The following HPSE variants were observed in gnomAD, a reference collection of about 807,000 sequenced individuals.
HPSE encodes heparanase.
A neutral mutation model predicts 65.1 loss-of-function variants in HPSE; 48 were observed. That is an observed-to-expected ratio of 0.74 (90% CI 0.58 to 0.94). The LOEUF is 0.94. Among genes scored for constraint, HPSE ranks in the 40% least tolerant of loss-of-function variants. The probability of loss-of-function intolerance (pLI) is 0.00; values close to 1 mark genes in which losing one functional copy is unlikely to be tolerated. For synonymous variants in HPSE, 243 were observed against 260.0 expected (o/e 0.93, Z 0.63); for missense variants, 644 against 637.5 (o/e 1.01, Z -0.11).
intron 1 of HPSE, among the ~76,000 whole-genome samples, chr4:83,322,785 TTGTTTGTGTGTGTGTGTGTGTGTG>T (rs1354279015): frequency 2.5e-5 from 2 of 78,820 alleles, no homozygotes; most frequent in East Asian, 9.5e-4. Context: ...TGGCAAGAGC[TTGTTTGTGTGTGTGTGTGTGTGTG>T]TGTGTGTGTG....
In HPSE at chr4:83,300,142, A is replaced by G. The variant is rs955044608; in HGVS notation, c.1472+818T>C. On this transcript the variant is annotated intron_variant, in intron 11 of 11. Coordinates refer to ENST00000311412, the MANE Select transcript of HPSE (RefSeq NM_001098540.3). ...GTCATTTTTTGGCACTCCATTGAATACAGGCTTTTATAAGATGTAGTCAAT... is the reference window on the plus strand; with the variant it reads ...GTCATTTTTTGGCACTCCATTGAATGCAGGCTTTTATAAGATGTAGTCAAT... Among the ~76,000 whole-genome samples the G allele has an allele frequency of 2.0e-5, 3 of 152,360 alleles. No homozygotes were observed. The East Asian group carries it at 5.8e-4, about 29-fold the overall frequency.
chr4:83,310,049 T>A lies in HPSE; in HGVS notation c.872A>T (p.Asp291Val). ...TACTTACTGATGCCATGTAACTGAA[T>A]CAATCACTTCTCCACCAGCCTTCAG... The part of the protein sequence containing the change: ...SFLKAGGEVI[D>V]SVTWHHYYLN... Residue 291 changes from aspartate (D) to valine (V), a missense_variant, in exon 6 of 12, where the codon GAT (aspartate) becomes GTT (valine). Coordinates refer to ENST00000311412, the MANE Select transcript of HPSE (RefSeq NM_001098540.3). 6.2e-7 allele frequency: 1 copy of A among 1,611,256 alleles called. No individual in the cohort carries two copies. The highest frequency in any genetic ancestry group is 1.3e-5 in the African/African-American group (1 of 74,958).
chr4:83,293,542 G>T lies in HPSE; in HGVS notation c.*1802C>A, dbSNP rs934823852. The T allele has an allele frequency of 6.6e-6, 1 of 152,162 alleles. No individual in the cohort carries two copies. Among genetic ancestry groups the T allele is most frequent in the African/African-American group, 2.4e-5 (1 of 41,440 alleles). The allele number at this position is 152,162 out of a possible 1,614,324, so 9.4% of individuals were successfully genotyped here. ...ATGTGGGAATATACATTTCCTTATT[G>T]CTTAAGCCATTTGAATTAGGAGTTT... On this transcript the variant is annotated 3_prime_UTR_variant, in exon 12 of 12. Transcript: ENST00000311412.
At chr4:83,306,385 C>A (rs1050680446) in intron 8 of HPSE, 68 bp from the exon 9 acceptor site, 18 of 752,770 alleles carry the variant, frequency 2.4e-5, no homozygotes, top group Non-Finnish European at 4.0e-5. Context: ...AATTGCACAC[C>A]ATCTTGATTT....
intron 1 of HPSE, among the ~76,000 whole-genome samples, chr4:83,322,821 GTGTGTGTGTGTGTGTGTT>G (rs1345458666): frequency 2.0e-5 from 3 of 148,578 alleles, no homozygotes; most frequent in African/African-American, 7.4e-5. Flanking sequence ...GTGTGTGTGT[GTGTGTGTGTGTGTGTGTT>G]TGTGTGTGGA....
intron 3 of HPSE, among the ~76,000 whole-genome samples, chr4:83,317,888 G>A (rs1736713367): frequency 6.6e-6 from 1 of 152,180 alleles, no homozygotes; most frequent in South Asian, 2.1e-4. Flanking sequence ...AAATGGCCCT[G>A]CCTCATGCCA....
chr4:83,301,767 G>C (rs923141379), intron 10 of HPSE, among the ~76,000 whole-genome samples: 4 of 152,146 alleles, frequency 2.6e-5, no homozygotes. Flanking sequence ...CCTAAAGCAA[G>C]AGTATGAGGC....
rs746368045 is a variant in HPSE, at chr4:83,302,271, AGTT to A, written c.1207-6_1207-4del. 1.3e-6 allele frequency: 2 copies of A among 1,593,636 alleles called. No homozygotes were observed. The highest frequency in any genetic ancestry group is 1.7e-6 in the Non-Finnish European group (2 of 1,162,050). The stretch of plus-strand genomic sequence containing the variant: ...AACAGAAGAGATAGCCAATAATCCT[AGTT>A]GTGGTGGTTGGGGAGAAAGAGACAA... On this transcript the variant is annotated splice_polypyrimidine_tract_variant and splice_region_variant and intron_variant, in intron 9 of 11. Transcript: ENST00000311412.
chr4:83,319,358 T>G lies in HPSE; in HGVS notation c.485A>C (p.Asn162Thr), dbSNP rs1444979459. ...LREHYQKKFK[N>T]STYSRSSVDV... ...TCATTTCTTACTTGAGTAGGTGCTG[T>G]TCTTGAACTTTTTCTGGTAGTGTTC... Residue 162 changes from asparagine (N) to threonine (T), a missense_variant, in exon 3 of 12, where the codon AAC becomes ACC. Transcript: ENST00000311412. The G allele has an allele frequency of 6.2e-7, 1 of 1,613,960 alleles. No homozygotes were observed. The highest frequency in any genetic ancestry group is 8.5e-7 in the Non-Finnish European group (1 of 1,179,908).
intron 3 of HPSE, among the ~76,000 whole-genome samples, chr4:83,316,119 C>T (rs945125841): frequency 1.3e-5 from 2 of 151,978 alleles, no homozygotes; most frequent in East Asian, 1.9e-4. Flanking sequence ...CTCCACCTCC[C>T]GGGTTCAAGT....
At chr4:83,319,206 G>C in intron 3 of HPSE, 138 bp downstream of exon 3, 1 of 867,300 alleles carries the variant, frequency 1.2e-6, no homozygotes, top group Non-Finnish European at 1.8e-6. Context: ...TTTGAGTTTA[G>C]GATTTCCCAT....
chr4:83,335,139 G>A, upstream of HPSE: 1 of 227,686 alleles, frequency 4.4e-6, no homozygotes, highest in Non-Finnish European at 8.5e-6. Context: ...AGGAGCGCCC[G>A]GGGAGCAGCG....
At chr4:83,314,825 C>A (rs1736564089) in intron 3 of HPSE, among the ~76,000 whole-genome samples, 1 of 152,054 alleles carries the variant, frequency 6.6e-6, no homozygotes, top group Non-Finnish European at 1.5e-5. Context: ...AAGTCTTTGG[C>A]CTGAATTACT....
intron 1 of HPSE, among the ~76,000 whole-genome samples, chr4:83,324,110 C>CTTTT (rs1737033442): frequency 1.1e-5 from 1 of 92,348 alleles, no homozygotes; most frequent in African/African-American, 4.7e-5. Flanking sequence ...ACTTCTTCTT[C>CTTTT]TTCTTTTTTT....
chr4:83,320,565 CAAAAAAA>C (rs904935247), intron 2 of HPSE, among the ~76,000 whole-genome samples: 2 of 123,080 alleles, frequency 1.6e-5, no homozygotes, highest in Non-Finnish European at 3.5e-5. Context: ...GACCCTGTCT[CAAAAAAA>C]AAAAAAAGAA....
At position 83,295,055 on chromosome 4, in the gene HPSE, A is replaced by AAAAT. The variant is rs572996915; in HGVS notation, c.*285_*288dup. On this transcript the variant is annotated 3_prime_UTR_variant, in exon 12 of 12. Coordinates refer to ENST00000311412, the MANE Select transcript of HPSE (RefSeq NM_001098540.3). ...GGGTGACAGAGAGAGATTCTGTCTC[A>AAAAT]AAATAAATAAATAAATAAATAATAA... is the stretch of plus-strand genomic sequence containing the variant. 2.3e-3 allele frequency: 354 copies of AAAAT among 156,850 alleles called. 2 individuals carry two copies. Among genetic ancestry groups the AAAAT allele is most frequent in the Middle Eastern group, 0.012 (4 of 324 alleles). 9.7% of individuals were successfully genotyped at this position (156,850 alleles called of 1,614,324 possible).
At chr4:83,297,652 C>T (rs890563114) in intron 11 of HPSE, among the ~76,000 whole-genome samples, 2 of 152,172 alleles carry the variant, frequency 1.3e-5, no homozygotes, top group African/African-American at 4.8e-5. Context: ...ACGCTCAGCC[C>T]TGTGTTCTGT....
chr4:83,334,708 G>T lies in HPSE; in HGVS notation c.75C>A (p.Ser25=), dbSNP rs760830754. The T allele has an allele frequency of 1.9e-6, 3 of 1,568,428 alleles. No individual in the cohort carries two copies. The highest frequency in any genetic ancestry group is 2.6e-6 in the Non-Finnish European group (3 of 1,156,456). The part of the protein sequence containing the change: ...LLLLGPLGPL[S]PGALPRPAQA... ...GCGCAGGTCGGGGCAGGGCGCCAGG[G>T]GAGAGGGGACCCAGCGGCCCCAGGA... The change falls in exon 1 of 12, where the codon TCC becomes TCA. Residue 25 remains serine, a synonymous_variant. Coordinates refer to ENST00000311412, the MANE Select transcript of HPSE (RefSeq NM_001098540.3).
chr4:83,302,956 C>T (rs977130659), intron 9 of HPSE, among the ~76,000 whole-genome samples: 2 of 151,882 alleles, frequency 1.3e-5, no homozygotes, highest in African/African-American at 4.8e-5. Context: ...GCCTGGGAAA[C>T]GAAATGAGAC....
Sources: allele counts gnomAD v4.1 joint callset (sites outside exome capture counted in the v4.1 genomes callset), GRCh38; gene constraint gnomAD v4.1.1; transcripts MANE v1.5; gene names NCBI Gene and HGNC (gene_info 2026-07-23, HGNC 2026-07-21).